The following CPNE4 variants were observed in gnomAD, a reference collection of about 807,000 sequenced individuals.
CPNE4 encodes copine-4.
Under a neutral mutation model 67.9 loss-of-function variants are expected in CPNE4, and 25 were observed. That is an observed-to-expected ratio of 0.37 (90% CI 0.27 to 0.51). The LOEUF is 0.51. Ranked by LOEUF, CPNE4 falls within the 20% of genes least tolerant of loss-of-function variation. CPNE4 has a pLI of 0.93. For synonymous variants in CPNE4, 242 were observed against 244.9 expected (o/e 0.99, Z 0.11); for missense variants, 464 against 690.8 (o/e 0.67, Z 3.68).
At chr3:131,558,918 A>G (rs1936609672) in intron 11 of CPNE4, among the ~76,000 whole-genome samples, 1 of 151,864 alleles carries the variant, frequency 6.6e-6, no homozygotes, top group South Asian at 2.1e-4. Context: ...TTTTGCTGAA[A>G]TTGATATTCT....
intron 1 of CPNE4, among the ~76,000 whole-genome samples, chr3:132,024,941 G>T (rs1192652486): frequency 1.3e-5 from 2 of 152,148 alleles, no homozygotes; most frequent in Non-Finnish European, 2.9e-5. Context: ...TAAGGCACTG[G>T]TTCCCAAAGT....
intron 10 of CPNE4, among the ~76,000 whole-genome samples, chr3:131,565,609 G>T (rs1256517657): frequency 2.6e-5 from 4 of 151,890 alleles, no homozygotes; most frequent in African/African-American, 9.7e-5. Context: ...GGAAAGAAAA[G>T]CAATAGGCTA....
Position 131,586,591 on chromosome 3 carries a change from A to G in CPNE4, c.780+893T>C, listed in dbSNP as rs142867885. Among the ~76,000 whole-genome samples, 11 of 152,266 alleles carry G rather than the reference A, an allele frequency of 7.2e-5. No individual in the cohort carries two copies. The East Asian group carries it at 9.7e-4, about 13-fold the overall frequency. Reference sequence around the variant, plus strand: ...CCACACTTCTATCTTGCTTTTGGGCATGGATAAAACAGGCTCCAGCAGATA... The same window carrying G: ...CCACACTTCTATCTTGCTTTTGGGCGTGGATAAAACAGGCTCCAGCAGATA... On this transcript the variant is annotated intron_variant, in intron 8 of 15. Coordinates refer to ENST00000429747, the MANE Select transcript of CPNE4 (RefSeq NM_130808.3).
intron 1 of CPNE4, among the ~76,000 whole-genome samples, chr3:131,957,677 A>G (rs1302460115): frequency 6.6e-6 from 1 of 152,162 alleles, no homozygotes; most frequent in Non-Finnish European, 1.5e-5. Flanking sequence ...ATTCGTTCAG[A>G]TCCTGCTAAC....
chr3:131,738,854 C>CTTTTTTT (rs34053204), intron 2 of CPNE4, among the ~76,000 whole-genome samples: 43 of 140,058 alleles, frequency 3.1e-4, no homozygotes, highest in Non-Finnish European at 3.8e-4. Flanking sequence ...TTTTCTTTTT[C>CTTTTTTT]TTTTTTTTTT....
chr3:131,559,638 C>G (rs960077958), intron 11 of CPNE4, among the ~76,000 whole-genome samples: 1 of 151,796 alleles, frequency 6.6e-6, no homozygotes, highest in Non-Finnish European at 1.5e-5. Flanking sequence ...AATTTTATTA[C>G]AGAAATATAC....
intron 2 of CPNE4, among the ~76,000 whole-genome samples, chr3:131,814,056 T>C (rs1242081233): frequency 6.6e-6 from 1 of 152,198 alleles, no homozygotes; most frequent in Non-Finnish European, 1.5e-5. Context: ...CATGTTCACA[T>C]ATTCAGAACT....
intron 1 of CPNE4, among the ~76,000 whole-genome samples, chr3:131,974,804 T>G (rs527619345): frequency 6.6e-6 from 1 of 152,216 alleles, no homozygotes; most frequent in African/African-American, 2.4e-5. Flanking sequence ...GCTCAGGAGT[T>G]CGAGACCAGC....
At chr3:131,736,515 G>A (rs925096379) in intron 2 of CPNE4, among the ~76,000 whole-genome samples, 2 of 151,688 alleles carry the variant, frequency 1.3e-5, no homozygotes, top group Non-Finnish European at 1.5e-5. Context: ...AGCTACTCGG[G>A]AGGCTGAGGC....
At chr3:132,012,739 G>A (rs1394345301) in intron 1 of CPNE4, among the ~76,000 whole-genome samples, 1 of 152,118 alleles carries the variant, frequency 6.6e-6, no homozygotes. Flanking sequence ...TAAGAAAAGG[G>A]ACTTACCTGG....
At chr3:131,839,649 G>C (rs765548532) in intron 2 of CPNE4, among the ~76,000 whole-genome samples, 14 of 151,880 alleles carry the variant, frequency 9.2e-5, no homozygotes, top group Non-Finnish European at 1.9e-4. Flanking sequence ...TGGGTTTATA[G>C]TATACATTTA....
chr3:131,581,810 G>C, intron 8 of CPNE4, 145 bp from the exon 9 acceptor site: 1 of 634,102 alleles, frequency 1.6e-6, no homozygotes, highest in Non-Finnish European at 2.8e-6. Flanking sequence ...ATCTAGAGGA[G>C]CAATAGGGGG....
At chr3:131,998,890 G>A (rs947206179) in intron 1 of CPNE4, among the ~76,000 whole-genome samples, 8 of 152,040 alleles carry the variant, frequency 5.3e-5, no homozygotes, top group African/African-American at 9.7e-5. Flanking sequence ...TGGAACGATA[G>A]TAGTAAACAG....
chr3:131,787,737 T>C (rs2083605533), intron 2 of CPNE4, among the ~76,000 whole-genome samples: 1 of 152,174 alleles, frequency 6.6e-6, no homozygotes, highest in Non-Finnish European at 1.5e-5. Context: ...TACTTCCATC[T>C]TGTGTAAGAG....
chr3:131,693,952 G>T (rs1050180629), intron 5 of CPNE4, among the ~76,000 whole-genome samples: 1 of 152,024 alleles, frequency 6.6e-6, no homozygotes, highest in African/African-American at 2.4e-5. Context: ...AGTAAGTCAT[G>T]CCACATCTCT....
intron 2 of CPNE4, among the ~76,000 whole-genome samples, chr3:131,727,142 T>C (rs2082018957): frequency 6.6e-6 from 1 of 152,228 alleles, no homozygotes; most frequent in Non-Finnish European, 1.5e-5. Flanking sequence ...GTATTGAATG[T>C]CAGAGTGGGC....
chr3:131,639,212 T>A (rs2079474784), intron 7 of CPNE4, among the ~76,000 whole-genome samples: 1 of 151,798 alleles, frequency 6.6e-6, no homozygotes, highest in South Asian at 2.1e-4. Flanking sequence ...AAAAGATAAA[T>A]GAAACAAAAA....
At chr3:131,870,184 C>T (rs779515880) in intron 2 of CPNE4, among the ~76,000 whole-genome samples, 1 of 152,152 alleles carries the variant, frequency 6.6e-6, no homozygotes, top group Non-Finnish European at 1.5e-5. Context: ...AATCCTAGGG[C>T]TCACATGGCT....
chr3:131,788,430 AAT>A (rs1194826950), intron 2 of CPNE4, among the ~76,000 whole-genome samples: 1 of 151,972 alleles, frequency 6.6e-6, no homozygotes, highest in East Asian at 1.9e-4. Context: ...TTTAATAATC[AAT>A]GAGTTACAAT....
Sources: allele counts gnomAD v4.1 joint callset (sites outside exome capture counted in the v4.1 genomes callset), GRCh38; gene constraint gnomAD v4.1.1; transcripts MANE v1.5; gene names NCBI Gene and HGNC (gene_info 2026-07-23, HGNC 2026-07-21).